Variants in CACNA2D3 observed in about 807,000 individuals in gnomAD.
CACNA2D3 encodes the protein voltage-dependent calcium channel subunit alpha-2/delta-3.
In CACNA2D3, 60 loss-of-function variants were observed where a neutral mutation model predicts 160.6. The ratio of observed to expected loss-of-function variants is 0.37; its 90% CI spans 0.30 to 0.46. CACNA2D3 has a LOEUF of 0.46. Among genes scored for constraint, CACNA2D3 ranks in the 20% least tolerant of loss-of-function variants. CACNA2D3 has a pLI of 1.00. For synonymous variants in CACNA2D3, 558 were observed against 492.9 expected (o/e 1.13, Z -1.75); for missense variants, 1,205 against 1,365.0 (o/e 0.88, Z 1.85).
At chr3:54,913,928 G>T (rs1700609412) in intron 27 of CACNA2D3, among the ~76,000 whole-genome samples, 1 of 152,100 alleles carries the variant, frequency 6.6e-6, no homozygotes, top group Non-Finnish European at 1.5e-5. Flanking sequence ...ATTATGCTTG[G>T]AAAATACATG....
chr3:54,176,458 G>T (rs559023599), intron 2 of CACNA2D3, among the ~76,000 whole-genome samples: 1 of 152,246 alleles, frequency 6.6e-6, no homozygotes, highest in East Asian at 1.9e-4. Flanking sequence ...GATTTCTTTT[G>T]AAGGGATAAT....
At chr3:54,742,867 C>T (rs1450799453) in intron 11 of CACNA2D3, among the ~76,000 whole-genome samples, 1 of 152,166 alleles carries the variant, frequency 6.6e-6, no homozygotes, top group East Asian at 1.9e-4. Context: ...TGGTCCCTGA[C>T]TATGAGGCTG....
At chr3:55,020,548 G>A (rs1703423727) in intron 35 of CACNA2D3, among the ~76,000 whole-genome samples, 1 of 151,284 alleles carries the variant, frequency 6.6e-6, no homozygotes, top group Non-Finnish European at 1.5e-5. Context: ...TTTCAGGATG[G>A]ACCTTCATTG....
At chr3:54,880,716 G>GA in intron 20 of CACNA2D3, 80 bp from the exon 21 acceptor site, 1 of 1,238,318 alleles carries the variant, frequency 8.1e-7, no homozygotes, top group Non-Finnish European at 1.2e-6. Context: ...GTGAAAAATG[G>GA]AAAATTAAAA....
At chr3:54,319,473 C>T (rs1050860428) in intron 2 of CACNA2D3, among the ~76,000 whole-genome samples, 1 of 152,070 alleles carries the variant, frequency 6.6e-6, no homozygotes. Context: ...ATATATCTTA[C>T]CCAGCATCTT....
At chr3:55,014,625 G>T (rs1351755866) in intron 34 of CACNA2D3, among the ~76,000 whole-genome samples, 2 of 152,090 alleles carry the variant, frequency 1.3e-5, no homozygotes, top group African/African-American at 4.8e-5. Context: ...CCAGCTACTT[G>T]GGAGGCTAAG....
chr3:54,827,289 A>G (rs908593615), intron 14 of CACNA2D3, among the ~76,000 whole-genome samples: 1 of 152,256 alleles, frequency 6.6e-6, no homozygotes, highest in Non-Finnish European at 1.5e-5. Context: ...ATTTAAGGCT[A>G]CGTAGATGCA....
intron 11 of CACNA2D3, among the ~76,000 whole-genome samples, chr3:54,647,068 C>G (rs1425961098): frequency 6.6e-6 from 1 of 152,178 alleles, no homozygotes; most frequent in African/African-American, 2.4e-5. Context: ...ATGAATTCTG[C>G]CAACAATCTA....
intron 4 of CACNA2D3, among the ~76,000 whole-genome samples, chr3:54,403,235 GT>G (rs1699504447): frequency 6.6e-6 from 1 of 152,086 alleles, no homozygotes; most frequent in East Asian, 1.9e-4. Context: ...CGTACCTGTA[GT>G]TTCAGCTATT....
rs551465584 is a variant in CACNA2D3, at chr3:54,752,746, G to A, written c.1246+69G>A. ...CTTGTGCAGAATTAGGAATATTCAT[G>A]AGAAAGTAGAGAGTTCTAATAATTC... On this transcript the variant is annotated intron_variant, in intron 12 of 37. Transcript: ENST00000474759. 59 of 1,059,788 alleles carry A rather than the reference G, an allele frequency of 5.6e-5. 1 individual carries two copies. In the South Asian group the frequency reaches 7.7e-4, roughly 14 times the overall value. The allele number at this position is 1,059,788 out of a possible 1,614,324, so 65.6% of individuals were successfully genotyped here.
intron 2 of CACNA2D3, among the ~76,000 whole-genome samples, chr3:54,163,988 A>G (rs1487991129): frequency 6.6e-6 from 1 of 152,216 alleles, no homozygotes; most frequent in African/African-American, 2.4e-5. Flanking sequence ...TAAGCAGCCC[A>G]CTGCAGGTAC....
chr3:54,547,614 G>A (rs1381753541), intron 5 of CACNA2D3, among the ~76,000 whole-genome samples: 1 of 150,618 alleles, frequency 6.6e-6, no homozygotes, highest in East Asian at 2.0e-4. Context: ...TTTGTCAGTT[G>A]CAGAGCAGGA....
At chr3:54,904,635 T>A (rs1226371201) in intron 27 of CACNA2D3, among the ~76,000 whole-genome samples, 2 of 152,246 alleles carry the variant, frequency 1.3e-5, no homozygotes, top group African/African-American at 2.4e-5. Flanking sequence ...TTGAACTCTT[T>A]AAGGGCAAAG....
chr3:55,052,266 G>C (rs984551708), intron 35 of CACNA2D3, among the ~76,000 whole-genome samples: 5 of 151,978 alleles, frequency 3.3e-5, no homozygotes, highest in African/African-American at 1.2e-4. Flanking sequence ...TACTGATTTG[G>C]AGTTCTATTT....
chr3:54,619,251 G>A lies in CACNA2D3; in HGVS notation c.964-8536G>A, dbSNP rs114106687. Reference sequence around the variant, plus strand: ...CATAATACGTCTCCTCTTGGAGCTGGCCTTGTTCACAGGCATGGTAATCAT... The same window carrying A: ...CATAATACGTCTCCTCTTGGAGCTGACCTTGTTCACAGGCATGGTAATCAT... On this transcript the variant is annotated intron_variant, in intron 9 of 37. Transcript: ENST00000474759. 2.8e-3 allele frequency among the ~76,000 whole-genome samples: 424 copies of A among 152,296 alleles called. 1 individual carries two copies. Among genetic ancestry groups the A allele is most frequent in the Non-Finnish European group, 4.4e-3 (300 of 68,028 alleles).
chr3:54,846,324 C>G, intron 16 of CACNA2D3, 69 bp from the exon 17 acceptor site: 1 of 939,720 alleles, frequency 1.1e-6, no homozygotes, highest in South Asian at 1.5e-5. Context: ...AAATGCCGGG[C>G]TGCTTTATGC....
At chr3:54,438,618 A>G (rs1244664131) in intron 4 of CACNA2D3, among the ~76,000 whole-genome samples, 1 of 152,250 alleles carries the variant, frequency 6.6e-6, no homozygotes, top group African/African-American at 2.4e-5. Context: ...TGTCTTTTGT[A>G]GCTAGGGCAT....
At chr3:54,604,721 C>A (rs1315466974) in intron 9 of CACNA2D3, among the ~76,000 whole-genome samples, 1 of 152,150 alleles carries the variant, frequency 6.6e-6, no homozygotes, top group African/African-American at 2.4e-5. Flanking sequence ...TGGCAGTAAC[C>A]TTCTAATAGG....
At chr3:54,920,272 A>G (rs1002846164) in intron 27 of CACNA2D3, among the ~76,000 whole-genome samples, 5 of 152,224 alleles carry the variant, frequency 3.3e-5, no homozygotes, top group Admixed American at 6.5e-5. Context: ...AAGATAAGTC[A>G]TAAGTGGCCC....
Sources: allele counts gnomAD v4.1 joint callset (sites outside exome capture counted in the v4.1 genomes callset), GRCh38; gene constraint gnomAD v4.1.1; transcripts MANE v1.5; gene names NCBI Gene and HGNC (gene_info 2026-07-23, HGNC 2026-07-21).